The following TAF4B variants were observed in gnomAD, a reference collection of about 807,000 sequenced individuals.
The protein encoded by TAF4B is TATA-box binding protein associated factor 4b.
Under a neutral mutation model 86.4 loss-of-function variants are expected in TAF4B, and 38 were observed. That is an observed-to-expected ratio of 0.44 (90% CI 0.34 to 0.58). The LOEUF (loss-of-function observed/expected upper bound fraction) is 0.58. TAF4B is among the 20% of genes least tolerant of loss of function. The pLI is 0.02. For synonymous variants in TAF4B, 388 were observed against 391.2 expected (o/e 0.99, Z 0.10); for missense variants, 988 against 1,027.6 (o/e 0.96, Z 0.53).
intron 9 of TAF4B, among the ~76,000 whole-genome samples, chr18:26,310,360 T>C (rs779527908): frequency 5.9e-5 from 9 of 152,198 alleles, no homozygotes; most frequent in Non-Finnish European, 1.0e-4. Flanking sequence ...ATTTTAAATA[T>C]ACTTCCTAGG....
chr18:26,233,131 G>A (rs912339740), intron 1 of TAF4B, among the ~76,000 whole-genome samples: 3 of 152,166 alleles, frequency 2.0e-5, no homozygotes, highest in Admixed American at 2.0e-4. Flanking sequence ...GGTTGTGTAT[G>A]TTAAAAAGGT....
intron 1 of TAF4B, among the ~76,000 whole-genome samples, chr18:26,249,827 A>G (rs574724078): frequency 4.3e-4 from 66 of 152,218 alleles, no homozygotes; most frequent in African/African-American, 1.5e-3. Flanking sequence ...GGTTCAAGCA[A>G]TTCTCCTGCC....
intron 14 of TAF4B, among the ~76,000 whole-genome samples, chr18:26,385,063 C>T (rs1978319190): frequency 6.6e-6 from 1 of 152,082 alleles, no homozygotes; most frequent in South Asian, 2.1e-4. Flanking sequence ...CGTATGGAGT[C>T]ACTGCAAACC....
intron 10 of TAF4B, among the ~76,000 whole-genome samples, chr18:26,317,350 C>T (rs2056923151): frequency 6.6e-6 from 1 of 151,986 alleles, no homozygotes; most frequent in South Asian, 2.1e-4. Flanking sequence ...ATTCTATTTC[C>T]AGTGTGGTTT....
At chr18:26,355,036 A>AT (rs911955554) in intron 13 of TAF4B, among the ~76,000 whole-genome samples, 4 of 152,152 alleles carry the variant, frequency 2.6e-5, no homozygotes, top group African/African-American at 9.7e-5. Context: ...ATGTCTCTCC[A>AT]TTTGTTTATT....
chr18:26,320,575 CAT>C (rs990548569), intron 10 of TAF4B, among the ~76,000 whole-genome samples: 2 of 152,094 alleles, frequency 1.3e-5, no homozygotes, highest in African/African-American at 4.8e-5. Flanking sequence ...GCAAAGTAAA[CAT>C]GATTGGTAAT....
chr18:26,307,780 T>G (rs886187242), intron 9 of TAF4B, among the ~76,000 whole-genome samples: 3 of 152,196 alleles, frequency 2.0e-5, no homozygotes, highest in Non-Finnish European at 4.4e-5. Flanking sequence ...ATTAACTTAT[T>G]TAACTTTCAT....
At chr18:26,294,678 A>T (rs2056639440) in intron 9 of TAF4B, among the ~76,000 whole-genome samples, 1 of 149,670 alleles carries the variant, frequency 6.7e-6, no homozygotes, top group Admixed American at 6.7e-5. Context: ...TATTTATATT[A>T]AAAATATGTA....
intron 10 of TAF4B, among the ~76,000 whole-genome samples, chr18:26,316,481 C>T (rs1337220671): frequency 1.3e-5 from 2 of 152,024 alleles, no homozygotes; most frequent in Non-Finnish European, 2.9e-5. Context: ...GCCTCTGCCT[C>T]CCAGGTTCAA....
chr18:26,304,788 A>G (rs2056777571), intron 9 of TAF4B: 1 of 985,352 alleles, frequency 1.0e-6, no homozygotes, highest in Non-Finnish European at 1.2e-6. Context: ...GAACCAAACA[A>G]TGGAATGAAA....
intron 14 of TAF4B, among the ~76,000 whole-genome samples, chr18:26,376,316 TTAAA>T (rs2057442789): frequency 6.6e-6 from 1 of 152,098 alleles, no homozygotes; most frequent in Non-Finnish European, 1.5e-5. Context: ...CTCAGCAATA[TTAAA>T]TAGTCTTTTC....
chr18:26,281,352 C>T (rs2144582707), intron 5 of TAF4B, among the ~76,000 whole-genome samples: 1 of 152,244 alleles, frequency 6.6e-6, no homozygotes, highest in South Asian at 2.1e-4. Flanking sequence ...CAGATGTTCT[C>T]TGTCACCGCA....
chr18:26,301,831 G>A (rs2056737066), intron 9 of TAF4B, among the ~76,000 whole-genome samples: 1 of 152,106 alleles, frequency 6.6e-6, no homozygotes. Flanking sequence ...CTCTCCTCAT[G>A]AGATTGCCTA....
At chr18:26,324,084 A>G (rs555767817) in intron 11 of TAF4B, among the ~76,000 whole-genome samples, 1 of 152,312 alleles carries the variant, frequency 6.6e-6, no homozygotes, top group South Asian at 2.1e-4. Context: ...AGCAGTTACC[A>G]TAGAGATTAC....
intron 1 of TAF4B, among the ~76,000 whole-genome samples, chr18:26,256,870 G>T (rs2056093106): frequency 1.3e-5 from 2 of 150,680 alleles, no homozygotes; most frequent in Admixed American, 1.3e-4. Context: ...ATTGTAGGTG[G>T]AGACCATACA....
chr18:26,258,607 C>T (rs2056119747), intron 1 of TAF4B, among the ~76,000 whole-genome samples: 2 of 152,074 alleles, frequency 1.3e-5, no homozygotes, highest in Non-Finnish European at 2.9e-5. Flanking sequence ...TGAATTACTG[C>T]CTTGGTCACT....
At chr18:26,351,167 G>T (rs2057242511) in intron 13 of TAF4B, among the ~76,000 whole-genome samples, 1 of 152,106 alleles carries the variant, frequency 6.6e-6, no homozygotes, top group Non-Finnish European at 1.5e-5. Context: ...TATATACACA[G>T]TGGAATACTA....
At chr18:26,326,500 T>C (rs2144684469) in intron 11 of TAF4B, among the ~76,000 whole-genome samples, 1 of 152,368 alleles carries the variant, frequency 6.6e-6, no homozygotes, top group Non-Finnish European at 1.5e-5. Context: ...AGAAGTTATA[T>C]TCAGTTGTCA....
intron 5 of TAF4B, among the ~76,000 whole-genome samples, chr18:26,281,414 A>T (rs1294035957): frequency 1.6e-4 from 25 of 152,228 alleles, no homozygotes; most frequent in Admixed American, 1.6e-3. Flanking sequence ...CAAAATTTTT[A>T]AAACTATATT....
Sources: gnomAD v4.1 joint callset for allele counts (sites outside exome capture counted in the v4.1 genomes callset) on GRCh38, gnomAD v4.1.1 for gene constraint, MANE v1.5 for transcripts, NCBI Gene and HGNC (gene_info 2026-07-23, HGNC 2026-07-21) for gene names.